Variants in SSH2 observed in about 807,000 individuals in gnomAD.
SSH2 encodes the protein protein phosphatase Slingshot homolog 2.
In SSH2, 37 loss-of-function variants were observed where a neutral mutation model predicts 135.2. The observed-to-expected ratio is 0.27, with a 90% CI of 0.21 to 0.36. SSH2 has a LOEUF of 0.36. SSH2 is among the 10% of genes least tolerant of loss of function. The probability of loss-of-function intolerance (pLI) is 1.00; values close to 1 mark genes in which losing one functional copy is unlikely to be tolerated. For synonymous variants in SSH2, 628 were observed against 646.2 expected (o/e 0.97, Z 0.43); for missense variants, 1,408 against 1,765.3 (o/e 0.80, Z 3.63).
At chr17:29,779,762 G>C (rs1350176253) in intron 3 of SSH2, among the ~76,000 whole-genome samples, 1 of 119,124 alleles carries the variant, frequency 8.4e-6, no homozygotes, top group Non-Finnish European at 1.6e-5. Flanking sequence ...AGTGTGCTGA[G>C]ATCGCCCCAT....
intron 1 of SSH2, chr17:29,928,275 A>C: frequency 2.9e-6 from 1 of 340,220 alleles, no homozygotes; most frequent in Admixed American, 4.7e-5. Flanking sequence ...AGTACTACAC[A>C]TAAGAATAAA....
At chr17:29,767,470 C>A (rs55781168) in intron 3 of SSH2, among the ~76,000 whole-genome samples, 1 of 147,118 alleles carries the variant, frequency 6.8e-6, no homozygotes, top group African/African-American at 2.5e-5. Flanking sequence ...ATGCTTAAAT[C>A]TTTTTAGAAT....
At chr17:29,747,269 AC>A (rs2040794671) in intron 3 of SSH2, among the ~76,000 whole-genome samples, 1 of 152,260 alleles carries the variant, frequency 6.6e-6, no homozygotes, top group Non-Finnish European at 1.5e-5. Context: ...CTAAATTGTT[AC>A]AACTTTTAAA....
At chr17:29,827,818 T>G (rs1426762171) in intron 2 of SSH2, among the ~76,000 whole-genome samples, 6 of 151,872 alleles carry the variant, frequency 4.0e-5, no homozygotes, top group Admixed American at 3.9e-4. Flanking sequence ...CTACAATATC[T>G]GTAATGTGAA....
rs575861264 is a variant in SSH2, at chr17:29,801,755, C to T, written c.145-7818G>A. Among the ~76,000 whole-genome samples the T allele has an allele frequency of 2.8e-4, 43 of 152,282 alleles. No individual in the cohort carries two copies. The South Asian group carries it at 8.9e-3, about 32-fold the overall frequency. On this transcript the variant is annotated intron_variant, in intron 2 of 15. Coordinates refer to ENST00000540801, the MANE Select transcript of SSH2 (RefSeq NM_001282129.2). ...ATCTCACTCTGTGTTTAGCACAATG[C>T]CCTATGTGCAGATGGAACTCAATAA...
intron 1 of SSH2, among the ~76,000 whole-genome samples, chr17:29,921,169 T>A (rs1270992810): frequency 6.6e-6 from 1 of 152,178 alleles, no homozygotes; most frequent in African/African-American, 2.4e-5. Flanking sequence ...AGGCCTATAA[T>A]CCTGGACAAT....
intron 3 of SSH2, chr17:29,761,217 C>A (rs1242127469): frequency 1.6e-6 from 2 of 1,288,248 alleles, no homozygotes; most frequent in South Asian, 1.2e-5. Context: ...TCGGGGCCAC[C>A]GAGGCTGCAG....
chr17:29,865,113 C>T (rs1220027736), intron 1 of SSH2, among the ~76,000 whole-genome samples: 1 of 152,170 alleles, frequency 6.6e-6, no homozygotes, highest in Admixed American at 6.6e-5. Flanking sequence ...GAAACAGTTT[C>T]TCTACAACCA....
At chr17:29,737,686 G>T (rs1324326697) in intron 3 of SSH2, among the ~76,000 whole-genome samples, 1 of 152,034 alleles carries the variant, frequency 6.6e-6, no homozygotes, top group Non-Finnish European at 1.5e-5. Flanking sequence ...AACAACACAG[G>T]GTTATTCCAA....
At chr17:29,721,643 C>T (rs1010246372) in intron 3 of SSH2, among the ~76,000 whole-genome samples, 2 of 152,116 alleles carry the variant, frequency 1.3e-5, no homozygotes, top group African/African-American at 4.8e-5. Flanking sequence ...TTGGGGATTA[C>T]GGTTTCTGAA....
chr17:29,885,383 T>C (rs1433578100), intron 1 of SSH2, among the ~76,000 whole-genome samples: 2 of 149,264 alleles, frequency 1.3e-5, no homozygotes, highest in African/African-American at 2.5e-5. Context: ...CAGGTCTTTT[T>C]CCCCAGTTCC....
chr17:29,809,884 G>C (rs1242189710), intron 2 of SSH2, among the ~76,000 whole-genome samples: 3 of 152,010 alleles, frequency 2.0e-5, no homozygotes, highest in Admixed American at 6.6e-5. Context: ...TGGAACTTAG[G>C]TGTCCCTTTC....
intron 2 of SSH2, among the ~76,000 whole-genome samples, chr17:29,819,016 C>T (rs973814639): frequency 4.6e-4 from 70 of 151,876 alleles, no homozygotes; most frequent in Non-Finnish European, 3.2e-4. Context: ...CACCTGAGGT[C>T]GGGAGTTTGA....
At chr17:29,708,736 T>G (rs1320437097) in intron 3 of SSH2, among the ~76,000 whole-genome samples, 1 of 151,718 alleles carries the variant, frequency 6.6e-6, no homozygotes, top group African/African-American at 2.4e-5. Context: ...TGTATGTGAT[T>G]ACAGATACCT....
At position 29,860,791 on chromosome 17, in the gene SSH2, G is replaced by C. The variant is rs537125958; in HGVS notation, c.64-11862C>G. Among the ~76,000 whole-genome samples, 7 of 151,212 alleles carry C rather than the reference G, an allele frequency of 4.6e-5. No homozygotes were observed. The South Asian group carries it at 1.5e-3, about 31-fold the overall frequency. ...GACAGAGTCTCGCTCTGTCCCCCAG[G>C]CTAGAGTGCAGTGGCATGATCTCAG... On this transcript the variant is annotated intron_variant, in intron 1 of 15. Coordinates refer to ENST00000540801, the MANE Select transcript of SSH2 (RefSeq NM_001282129.2).
At chr17:29,671,349 G>T (rs2037485944) in intron 9 of SSH2, among the ~76,000 whole-genome samples, 1 of 152,030 alleles carries the variant, frequency 6.6e-6, no homozygotes, top group South Asian at 2.1e-4. Context: ...CAGGTGTGGT[G>T]GCACATGCCT....
chr17:29,773,415 G>A (rs556243238), intron 3 of SSH2, among the ~76,000 whole-genome samples: 156 of 151,998 alleles, frequency 1.0e-3, no homozygotes, highest in Admixed American at 4.6e-4. Context: ...TTTTACCTGG[G>A]AAATCTTTTG....
At chr17:29,695,890 G>T (rs1326155041) in intron 4 of SSH2, among the ~76,000 whole-genome samples, 1 of 151,766 alleles carries the variant, frequency 6.6e-6, no homozygotes, top group Non-Finnish European at 1.5e-5. Flanking sequence ...TAGCAATGAG[G>T]GCACTTTGAA....
chr17:29,730,312 A>AATAT (rs1436100470), intron 3 of SSH2, among the ~76,000 whole-genome samples: 2 of 147,384 alleles, frequency 1.4e-5, no homozygotes, highest in African/African-American at 2.5e-5. Context: ...ACTCTGTCTA[A>AATAT]ATATATATAT....
Sources: allele counts gnomAD v4.1 joint callset (sites outside exome capture counted in the v4.1 genomes callset), GRCh38; gene constraint gnomAD v4.1.1; transcripts MANE v1.5; gene names NCBI Gene and HGNC (gene_info 2026-07-23, HGNC 2026-07-21).